Variants in NHSL1 observed in about 807,000 individuals in gnomAD.
NHSL1 encodes the protein NHS-like protein 1.
Under a neutral mutation model 95.0 loss-of-function variants are expected in NHSL1, and 48 were observed. The ratio of observed to expected loss-of-function variants is 0.51; its 90% CI spans 0.40 to 0.64. The LOEUF (loss-of-function observed/expected upper bound fraction) is 0.64, where lower values mean the gene tolerates loss of function less well. Among genes scored for constraint, NHSL1 ranks in the 30% least tolerant of loss-of-function variants. NHSL1 has a pLI of 0.00. For missense variants in NHSL1, 1,971 were observed against 2,077.7 expected, an observed-to-expected ratio of 0.95 and a Z score of 1.00; for synonymous variants, 783 against 833.9, an observed-to-expected ratio of 0.94 and a Z score of 1.05.
chr6:138,559,080 C>G (rs1287076927), intron 1 of NHSL1, among the ~76,000 whole-genome samples: 1 of 152,014 alleles, frequency 6.6e-6, no homozygotes, highest in Non-Finnish European at 1.5e-5. Context: ...AGAAAACCAC[C>G]AAAACATTGC....
chr6:138,577,361 CTT>C (rs1020722551), upstream of NHSL1, among the ~76,000 whole-genome samples: 1 of 152,220 alleles, frequency 6.6e-6, no homozygotes, highest in African/African-American at 2.4e-5. Context: ...AGCACTGTGA[CTT>C]TTCATTTCCA....
At chr6:138,655,028 G>A (rs1785139671) in intron 1 of NHSL1, among the ~76,000 whole-genome samples, 1 of 152,010 alleles carries the variant, frequency 6.6e-6, no homozygotes, top group African/African-American at 2.4e-5. Context: ...ATTTTATTTG[G>A]GGAAACTAAA....
chr6:138,541,220 A>G (rs912309086), intron 1 of NHSL1, among the ~76,000 whole-genome samples: 1 of 152,134 alleles, frequency 6.6e-6, no homozygotes, highest in Admixed American at 6.5e-5. Context: ...TACAAAAATT[A>G]GCCGGACAAG....
intron 1 of NHSL1, among the ~76,000 whole-genome samples, chr6:138,590,815 G>C (rs1229610441): frequency 6.6e-6 from 1 of 152,150 alleles, no homozygotes; most frequent in Admixed American, 6.5e-5. Flanking sequence ...GTGATAATCA[G>C]TTCCTTAAGA....
Position 138,424,171 on chromosome 6 carries a change from G to A in NHSL1, c.4731C>T (p.Pro1577=), listed in dbSNP as rs374351219. 6.8e-7 allele frequency: 1 copy of A among 1,462,798 alleles called. No individual in the cohort carries two copies. Among genetic ancestry groups the A allele is most frequent in the African/African-American group, 1.4e-5 (1 of 70,322 alleles). The allele number at this position is 1,462,798 out of a possible 1,614,324, so 90.6% of individuals were successfully genotyped here. A position where few individuals can be genotyped will look rare whatever the true frequency, so the allele number is the denominator to read the frequency against. The change falls in exon 8 of 8, where the codon CCC becomes CCT. Residue 1577 remains proline, a synonymous_variant. Transcript: ENST00000343505. The surrounding 1 kb of genome is among the most constrained non-coding windows in gnomAD (Gnocchi z 5.9). ...TCCCATCCACAGGGCCGGGGGCCTG[G>A]GGCTGCAGGGAGGCGGCAGGCCCCT... ...CGEGPAASLQ[P]QAPGPVDGTA... is the part of the protein sequence containing the mutation.
intron 1 of NHSL1, among the ~76,000 whole-genome samples, chr6:138,649,103 G>A (rs868581890): frequency 1.5e-4 from 23 of 152,118 alleles, no homozygotes; most frequent in African/African-American, 5.1e-4. Flanking sequence ...AAGTGTATAC[G>A]CTACACTTCA....
chr6:138,491,463 C>T (rs1780073405), intron 2 of NHSL1, among the ~76,000 whole-genome samples: 1 of 152,148 alleles, frequency 6.6e-6, no homozygotes, highest in African/African-American at 2.4e-5. Context: ...GATTTCTTTT[C>T]CACTTAGTTG....
intron 1 of NHSL1, among the ~76,000 whole-genome samples, chr6:138,521,150 A>G (rs1010335285): frequency 1.8e-4 from 28 of 152,200 alleles, no homozygotes; most frequent in African/African-American, 5.6e-4. Flanking sequence ...AAGTCCCTGT[A>G]ACCAATAGTA....
intron 1 of NHSL1, among the ~76,000 whole-genome samples, chr6:138,557,754 C>A (rs1425182402): frequency 6.6e-6 from 1 of 152,110 alleles, no homozygotes; most frequent in Non-Finnish European, 1.5e-5. Context: ...CCAGTCTATA[C>A]CAATTATCTC....
chr6:138,489,950 GAA>G (rs1779969296), intron 2 of NHSL1, among the ~76,000 whole-genome samples: 1 of 52,524 alleles, frequency 1.9e-5, no homozygotes, highest in African/African-American at 8.8e-5. Flanking sequence ...GAGAGGGAGA[GAA>G]GGAGAGAGGG....
chr6:138,453,904 A>C (rs1777404799), intron 3 of NHSL1, among the ~76,000 whole-genome samples: 1 of 151,522 alleles, frequency 6.6e-6, no homozygotes, highest in Non-Finnish European at 1.5e-5. Flanking sequence ...GATCTTAACT[A>C]TCCCATATTA....
At chr6:138,662,384 T>C (rs1333179886) in intron 1 of NHSL1, among the ~76,000 whole-genome samples, 6 of 152,184 alleles carry the variant, frequency 3.9e-5, no homozygotes, top group African/African-American at 1.4e-4. Context: ...CACATTAAGG[T>C]ACAAACTGAA....
chr6:138,629,384 TCTTTC>T (rs747829584), intron 1 of NHSL1, among the ~76,000 whole-genome samples: 10 of 150,108 alleles, frequency 6.7e-5, no homozygotes, highest in Admixed American at 2.6e-4. Flanking sequence ...TTTCTTTCTT[TCTTTC>T]TTTTTTTTTT....
At chr6:138,599,913 G>A (rs535343419) in intron 1 of NHSL1, among the ~76,000 whole-genome samples, 73 of 152,116 alleles carry the variant, frequency 4.8e-4, no homozygotes, top group African/African-American at 1.6e-3. Flanking sequence ...AGGCCGAGGC[G>A]GGTGGATCAC....
intron 1 of NHSL1, among the ~76,000 whole-genome samples, chr6:138,569,253 G>A (rs1029939779): frequency 4.6e-5 from 7 of 151,130 alleles, no homozygotes; most frequent in African/African-American, 1.7e-4. Context: ...ATATGTGTGT[G>A]TGTGTGTGTG....
chr6:138,545,288 A>G (rs1030464063), intron 1 of NHSL1, among the ~76,000 whole-genome samples: 1 of 151,996 alleles, frequency 6.6e-6, no homozygotes, highest in Non-Finnish European at 1.5e-5. Context: ...AAATTTCTCT[A>G]CTACTGCTGT....
chr6:138,485,958 C>T (rs1245944275), intron 2 of NHSL1, among the ~76,000 whole-genome samples: 1 of 152,146 alleles, frequency 6.6e-6, no homozygotes, highest in East Asian at 1.9e-4. Flanking sequence ...GCGGGGGCCA[C>T]ATTGCAAGCA....
chr6:138,464,368 C>A (rs745893584), intron 3 of NHSL1: 2 of 463,334 alleles, frequency 4.3e-6, no homozygotes, highest in Non-Finnish European at 7.9e-6. Flanking sequence ...TGGTCGCCAT[C>A]GCTGCCTTCG....
chr6:138,450,828 C>G (rs188897861), intron 3 of NHSL1, among the ~76,000 whole-genome samples: 145 of 152,284 alleles, frequency 9.5e-4, no homozygotes, highest in African/African-American at 3.4e-3. Flanking sequence ...ATATGACTTT[C>G]ATGCCTCCCA....
Sources: gnomAD v4.1 joint callset for allele counts (sites outside exome capture counted in the v4.1 genomes callset) on GRCh38, gnomAD v4.1.1 for gene constraint, Gnocchi (gnomAD v3.1) non-coding constraint, MANE v1.5 for transcripts, NCBI Gene and HGNC (gene_info 2026-07-23, HGNC 2026-07-21) for gene names.